The following BCKDHB variants were observed in gnomAD, a reference collection of about 807,000 sequenced individuals.
BCKDHB encodes the protein 2-oxoisovalerate dehydrogenase subunit beta, mitochondrial.
Under a neutral mutation model 48.5 loss-of-function variants are expected in BCKDHB, and 41 were observed. The observed-to-expected ratio is 0.85, with a 90% CI of 0.66 to 1.10. The LOEUF is 1.10. Among genes scored for constraint, BCKDHB ranks in the 50% least tolerant of loss-of-function variants. The probability of loss-of-function intolerance (pLI) is 0.00; values close to 1 mark genes in which losing one functional copy is unlikely to be tolerated. For synonymous variants in BCKDHB, 201 were observed against 174.8 expected (o/e 1.15, Z -1.18); for missense variants, 496 against 494.2 (o/e 1.00, Z -0.03).
chr6:80,147,424 A>C (rs1346957234), intron 3 of BCKDHB, among the ~76,000 whole-genome samples: 1 of 152,224 alleles, frequency 6.6e-6, no homozygotes, highest in African/African-American at 2.4e-5. Context: ...ATATGTTTGT[A>C]CAAATTCAAG....
the BCKDHB span, among the ~76,000 whole-genome samples, chr6:80,442,124 C>T: frequency 0.093 from 14,078 of 152,108 alleles, 712 homozygotes; most frequent in Non-Finnish European, 0.11. Flanking sequence ...TTCAGTCAAT[C>T]TAAAACATCA....
intron 3 of BCKDHB, among the ~76,000 whole-genome samples, chr6:80,159,711 T>C (rs1000466573): frequency 5.3e-5 from 8 of 152,210 alleles, no homozygotes; most frequent in African/African-American, 1.7e-4. Flanking sequence ...AATTACTGGA[T>C]GTATTATTTA....
At chr6:80,333,206 A>G (rs892180540) in intron 9 of BCKDHB, among the ~76,000 whole-genome samples, 6 of 152,138 alleles carry the variant, frequency 3.9e-5, no homozygotes, top group Admixed American at 6.5e-5. Flanking sequence ...TATGCAGTGC[A>G]CCTAAAATTA....
At chr6:80,395,915 C>G in the BCKDHB span, among the ~76,000 whole-genome samples, 13,750 of 152,220 alleles carry the variant, frequency 0.09, 1,748 homozygotes, top group African/African-American at 0.28. Context: ...GCCATTGCTT[C>G]AGAGAGTACA....
intron 3 of BCKDHB, among the ~76,000 whole-genome samples, chr6:80,155,014 T>G (rs1459999437): frequency 6.6e-6 from 1 of 152,156 alleles, no homozygotes; most frequent in Admixed American, 6.6e-5. Context: ...AGTGGAACAG[T>G]GTTAACAGTG....
At chr6:80,427,848 A>G in the BCKDHB span, among the ~76,000 whole-genome samples, 2 of 152,052 alleles carry the variant, frequency 1.3e-5, no homozygotes, top group African/African-American at 4.8e-5. Flanking sequence ...CCCTTTGTAC[A>G]TAATGTGTTT....
the BCKDHB span, among the ~76,000 whole-genome samples, chr6:80,447,990 A>G: frequency 6.6e-6 from 1 of 152,364 alleles, no homozygotes; most frequent in Admixed American, 6.5e-5. Context: ...ATAAATAAAC[A>G]TAGAAGTAAA....
rs374005608 is a variant in BCKDHB, at chr6:80,155,821, T to C, written c.344-11857T>C. ...TTTTAAAATAAAAGATTAATTTACC[T>C]CATAATAATGCAAAGTTGTTTTTTT... On this transcript the variant is annotated intron_variant, in intron 3 of 9. Transcript: ENST00000320393. Among the ~76,000 whole-genome samples the C allele has an allele frequency of 1.6e-3, 247 of 151,276 alleles. 1 individual carries two copies. The highest frequency in any genetic ancestry group is 5.6e-3 in the African/African-American group (233 of 41,246).
At chr6:80,200,849 C>A in intron 6 of BCKDHB, 85 bp from the exon 7 acceptor site, 1 of 1,073,344 alleles carries the variant, frequency 9.3e-7, no homozygotes. Context: ...TAAAGCTTTG[C>A]TACAGTGAGC....
At chr6:80,171,831 T>C (rs1041493834) in intron 6 of BCKDHB, among the ~76,000 whole-genome samples, 1 of 152,166 alleles carries the variant, frequency 6.6e-6, no homozygotes, top group Non-Finnish European at 1.5e-5. Context: ...AGGTCTATGC[T>C]GGGATGACTG....
At chr6:80,404,531 G>C in the BCKDHB span, among the ~76,000 whole-genome samples, 1 of 151,472 alleles carries the variant, frequency 6.6e-6, no homozygotes. Flanking sequence ...TAGTTTCATT[G>C]ATCATTTCTG....
At chr6:80,455,736 A>G in the BCKDHB span, among the ~76,000 whole-genome samples, 1 of 151,952 alleles carries the variant, frequency 6.6e-6, no homozygotes, top group African/African-American at 2.4e-5. Context: ...CAATTCTTAA[A>G]ATCCTTAATG....
chr6:80,421,994 G>T, the BCKDHB span, among the ~76,000 whole-genome samples: 1 of 152,190 alleles, frequency 6.6e-6, no homozygotes. Flanking sequence ...CAATAAGTTA[G>T]TAGCCAAGAT....
intron 8 of BCKDHB, among the ~76,000 whole-genome samples, chr6:80,258,823 A>G (rs942049387): frequency 2.0e-5 from 3 of 151,928 alleles, no homozygotes; most frequent in Non-Finnish European, 2.9e-5. Flanking sequence ...CAACATGAAG[A>G]CATAAATTAT....
chr6:80,389,531 A>G, the BCKDHB span, among the ~76,000 whole-genome samples: 1 of 152,232 alleles, frequency 6.6e-6, no homozygotes, highest in Admixed American at 6.5e-5. Flanking sequence ...TGCTTCTGCC[A>G]AGACTACCAT....
At chr6:80,115,130 A>G (rs1484983251) in intron 1 of BCKDHB, among the ~76,000 whole-genome samples, 2 of 151,860 alleles carry the variant, frequency 1.3e-5, no homozygotes, top group African/African-American at 4.8e-5. Flanking sequence ...GCCTTTATGG[A>G]TCTTTCATTT....
the BCKDHB span, among the ~76,000 whole-genome samples, chr6:80,353,852 CA>C: frequency 0.76 from 112,320 of 146,922 alleles, 43,505 homozygotes; most frequent in Non-Finnish European, 0.86. Context: ...GACTCCGTCT[CA>C]AAAAAAAAAT....
chr6:80,416,314 C>T, the BCKDHB span, among the ~76,000 whole-genome samples: 1 of 151,244 alleles, frequency 6.6e-6, no homozygotes, highest in Non-Finnish European at 1.5e-5. Context: ...TTCTTGTCTC[C>T]TGCTAGCTTT....
At chr6:80,322,750 C>T (rs185232154) in intron 9 of BCKDHB, among the ~76,000 whole-genome samples, 5 of 152,228 alleles carry the variant, frequency 3.3e-5, no homozygotes, top group Admixed American at 2.6e-4. Flanking sequence ...CACCAATAAA[C>T]ATTTATGGAG....
Sources: allele counts gnomAD v4.1 joint callset (sites outside exome capture counted in the v4.1 genomes callset), GRCh38; gene constraint gnomAD v4.1.1; transcripts MANE v1.5; gene names NCBI Gene and HGNC (gene_info 2026-07-23, HGNC 2026-07-21).